Variants in NSMCE2 observed in about 807,000 individuals in gnomAD.
The protein encoded by NSMCE2 is E3 SUMO-protein ligase NSE2.
NSMCE2 carries 24 observed loss-of-function variants against 23.8 expected under a neutral mutation model. That is an observed-to-expected ratio of 1.01 (90% CI 0.73 to 1.42). The LOEUF is 1.42. Among genes scored for constraint, NSMCE2 ranks in the 40% most tolerant of loss-of-function variants. The probability of loss-of-function intolerance (pLI) is 0.00; values close to 1 mark genes in which losing one functional copy is unlikely to be tolerated. For missense variants in NSMCE2, 284 were observed against 296.5 expected (o/e 0.96, Z 0.31); for synonymous variants, 92 against 94.1 (o/e 0.98, Z 0.13).
At chr8:125,299,211 G>A (rs1049989162) in intron 5 of NSMCE2, among the ~76,000 whole-genome samples, 1 of 152,128 alleles carries the variant, frequency 6.6e-6, no homozygotes, top group Non-Finnish European at 1.5e-5. Flanking sequence ...TAGTCTAGTT[G>A]ATACAGGATT....
chr8:125,129,993 T>C (rs544829724), intron 3 of NSMCE2, among the ~76,000 whole-genome samples: 1 of 152,286 alleles, frequency 6.6e-6, no homozygotes, highest in East Asian at 1.9e-4. Flanking sequence ...CAGACTTTAT[T>C]TGGATTTCAC....
intron 3 of NSMCE2, among the ~76,000 whole-genome samples, chr8:125,105,595 CAA>C (rs963764089): frequency 1.3e-5 from 2 of 152,048 alleles, no homozygotes; most frequent in Admixed American, 6.5e-5. Context: ...CCAAAGTTGG[CAA>C]AGTTTTTCTA....
At chr8:125,243,364 A>C (rs1159304094) in intron 5 of NSMCE2, among the ~76,000 whole-genome samples, 2 of 152,144 alleles carry the variant, frequency 1.3e-5, no homozygotes, top group African/African-American at 4.8e-5. Context: ...AGAAATTTGG[A>C]TTTGATTTTA....
chr8:125,242,361 G>A (rs765687660), intron 5 of NSMCE2, among the ~76,000 whole-genome samples: 10 of 152,016 alleles, frequency 6.6e-5, no homozygotes, highest in Non-Finnish European at 1.0e-4. Flanking sequence ...ATGGGCTCCT[G>A]GTTCAAGGTG....
chr8:125,099,365 C>T (rs1818078761), intron 1 of NSMCE2, among the ~76,000 whole-genome samples: 1 of 151,970 alleles, frequency 6.6e-6, no homozygotes, highest in Non-Finnish European at 1.5e-5. Context: ...AGGGAATTGA[C>T]CTAGTAGATA....
intron 5 of NSMCE2, among the ~76,000 whole-genome samples, chr8:125,329,005 G>A (rs925958047): frequency 6.6e-6 from 1 of 152,122 alleles, no homozygotes; most frequent in East Asian, 1.9e-4. Context: ...AAATGTGAGC[G>A]GCAGTGTCCA....
intron 3 of NSMCE2, among the ~76,000 whole-genome samples, chr8:125,148,352 C>T (rs915982799): frequency 2.6e-5 from 4 of 152,158 alleles, no homozygotes; most frequent in Non-Finnish European, 4.4e-5. Flanking sequence ...ATATATGGGA[C>T]CCTGTTAATG....
intron 3 of NSMCE2, among the ~76,000 whole-genome samples, chr8:125,150,061 A>G (rs1025785274): frequency 6.6e-6 from 1 of 151,922 alleles, no homozygotes; most frequent in Non-Finnish European, 1.5e-5. Context: ...CACTCAGGTT[A>G]GGGGAACCCA....
intron 5 of NSMCE2, among the ~76,000 whole-genome samples, chr8:125,194,260 C>A (rs1823498794): frequency 6.6e-6 from 1 of 152,132 alleles, no homozygotes; most frequent in Non-Finnish European, 1.5e-5. Context: ...ACTCCTCCCC[C>A]CATTCCCAGC....
intron 5 of NSMCE2, among the ~76,000 whole-genome samples, chr8:125,194,270 C>T (rs1823499430): frequency 6.6e-6 from 1 of 152,108 alleles, no homozygotes; most frequent in Non-Finnish European, 1.5e-5. Flanking sequence ...CCATTCCCAG[C>T]CCCTGGCAAC....
rs541378399 is a variant in NSMCE2, at chr8:125,185,799, AATT to A, written c.418+3547_418+3549del. 2.1e-3 allele frequency among the ~76,000 whole-genome samples: 320 copies of A among 152,342 alleles called. 1 individual carries two copies. The highest frequency in any genetic ancestry group is 3.6e-3 in the Non-Finnish European group (242 of 68,024). ...TTACATTTTATAAACATAAAGGAAA[AATT>A]ATTGAGAAGAGTGGCATTCTTTTAC... On this transcript the variant is annotated intron_variant, in intron 5 of 7. Coordinates refer to ENST00000287437, the MANE Select transcript of NSMCE2 (RefSeq NM_173685.4).
chr8:125,201,978 G>A (rs753654373), intron 5 of NSMCE2, among the ~76,000 whole-genome samples: 2 of 152,196 alleles, frequency 1.3e-5, no homozygotes, highest in Non-Finnish European at 2.9e-5. Context: ...AGGCTGCTGC[G>A]CTAGCAGTGA....
At chr8:125,326,964 A>G (rs1563787187) in intron 5 of NSMCE2, among the ~76,000 whole-genome samples, 1 of 147,922 alleles carries the variant, frequency 6.8e-6, no homozygotes, top group Non-Finnish European at 1.5e-5. Context: ...TTCAAAAAAA[A>G]AAAGAGAGAG....
intron 5 of NSMCE2, among the ~76,000 whole-genome samples, chr8:125,264,856 C>A (rs1826849226): frequency 6.6e-6 from 1 of 152,132 alleles, no homozygotes; most frequent in Non-Finnish European, 1.5e-5. Context: ...CTTCTAGTAC[C>A]TTGACACATG....
chr8:125,106,031 T>C (rs1818440576), intron 3 of NSMCE2, among the ~76,000 whole-genome samples: 1 of 130,450 alleles, frequency 7.7e-6, no homozygotes. Flanking sequence ...TATGAATACA[T>C]GCGTGTGTGT....
intron 5 of NSMCE2, among the ~76,000 whole-genome samples, chr8:125,269,143 A>G (rs758039720): frequency 3.3e-5 from 5 of 152,048 alleles, no homozygotes; most frequent in African/African-American, 4.8e-5. Flanking sequence ...CTGGAGTGCA[A>G]GTGACACGAT....
chr8:125,307,663 G>A (rs1041424894), intron 5 of NSMCE2, among the ~76,000 whole-genome samples: 9 of 152,316 alleles, frequency 5.9e-5, no homozygotes, highest in African/African-American at 1.7e-4. Flanking sequence ...GCTTGATACT[G>A]TTAATGGAAG....
At chr8:125,337,179 G>A (rs1298294263) in intron 5 of NSMCE2, among the ~76,000 whole-genome samples, 1 of 152,222 alleles carries the variant, frequency 6.6e-6, no homozygotes, top group Non-Finnish European at 1.5e-5. Flanking sequence ...CTTTAAAGTA[G>A]GTAAGAGTCC....
intron 4 of NSMCE2, among the ~76,000 whole-genome samples, chr8:125,156,647 A>G (rs546144464): frequency 6.6e-6 from 1 of 152,304 alleles, no homozygotes; most frequent in Non-Finnish European, 1.5e-5. Context: ...TGAACATTTT[A>G]TATGCCTTTT....
Sources: gnomAD v4.1 joint callset for allele counts (sites outside exome capture counted in the v4.1 genomes callset) on GRCh38, gnomAD v4.1.1 for gene constraint, MANE v1.5 for transcripts, NCBI Gene and HGNC (gene_info 2026-07-23, HGNC 2026-07-21) for gene names.